The following ATR variants were observed in gnomAD, a reference collection of about 807,000 sequenced individuals.
The protein encoded by ATR is serine/threonine-protein kinase ATR.
A neutral mutation model predicts 305.3 loss-of-function variants in ATR; 142 were observed. The ratio of observed to expected loss-of-function variants is 0.47; its 90% CI spans 0.41 to 0.53. The LOEUF is 0.53. Among genes scored for constraint, ATR ranks in the 20% least tolerant of loss-of-function variants. ATR has a pLI of 0.00. For synonymous variants in ATR, 1,050 were observed against 1,068.1 expected (o/e 0.98, Z 0.33); for missense variants, 2,135 against 3,133.1 (o/e 0.68, Z 7.60).
chr3:142,502,413 A>G (rs1347706913), intron 30 of ATR, among the ~76,000 whole-genome samples: 1 of 138,960 alleles, frequency 7.2e-6, no homozygotes, highest in Admixed American at 7.5e-5. Context: ...GGAGCTAAAC[A>G]TTGGGTACAC....
At chr3:142,556,333 A>G (rs1318398886) in intron 9 of ATR, 50 bp downstream of exon 9, 1 of 1,568,764 alleles carries the variant, frequency 6.4e-7, no homozygotes, top group Non-Finnish European at 8.8e-7. Flanking sequence ...CCAGACAATT[A>G]TGATCTTTCC....
At chr3:142,455,081 A>G (rs143491443) in intron 45 of ATR, among the ~76,000 whole-genome samples, 1 of 152,360 alleles carries the variant, frequency 6.6e-6, no homozygotes, top group African/African-American at 2.4e-5. Flanking sequence ...TGTAAGATAC[A>G]ATATCAATAT....
intron 18 of ATR, among the ~76,000 whole-genome samples, chr3:142,539,256 A>G (rs1025217009): frequency 6.6e-6 from 1 of 152,152 alleles, no homozygotes; most frequent in African/African-American, 2.4e-5. Context: ...CTGGGCTCAA[A>G]GGAACCAGAG....
intron 16 of ATR, among the ~76,000 whole-genome samples, chr3:142,544,499 C>T (rs1490184108): frequency 1.7e-5 from 2 of 116,034 alleles, no homozygotes; most frequent in Admixed American, 9.5e-5. Flanking sequence ...TCACTAAGAA[C>T]TTAGTATATA....
chr3:142,512,443 T>G lies in ATR; in HGVS notation c.4669A>C (p.Lys1557Gln), dbSNP rs746399081. 3.7e-6 allele frequency: 6 copies of G among 1,612,520 alleles called. No homozygotes were observed. In the South Asian group the frequency reaches 6.6e-5, roughly 18 times the overall value. ...EVYAEIMAVL[K>Q]HDDQHTINTQ... ...TTTATGGTATGCTGATCGTCATGCT[T>G]TAGAACTGCCATAATTTCTGCATAA... is the stretch of plus-strand genomic sequence containing the variant. The change falls in exon 27 of 47, where the codon AAG (lysine) becomes CAG (glutamine). Residue 1557 changes from lysine (K) to glutamine (Q), a missense_variant. Physicochemically the swap from Lys to Gln is moderately conservative, Grantham distance 53. Coordinates refer to ENST00000350721, the MANE Select transcript of ATR (RefSeq NM_001184.4).
At chr3:142,515,335 AGAT>A in intron 25 of ATR, 57 bp downstream of exon 25, 1 of 1,595,308 alleles carries the variant, frequency 6.3e-7, no homozygotes, top group Non-Finnish European at 8.6e-7. Context: ...GCATTCAGAT[AGAT>A]GTTCTGGTTT....
intron 1 of ATR, among the ~76,000 whole-genome samples, chr3:142,575,054 C>G (rs1267269750): frequency 3.9e-5 from 6 of 152,086 alleles, no homozygotes; most frequent in Non-Finnish European, 5.9e-5. Flanking sequence ...TTGCTTATTT[C>G]CCTGTTTAAA....
chr3:142,485,103 C>T (rs1442495820), intron 36 of ATR, 37 bp downstream of exon 36: 4 of 1,610,384 alleles, frequency 2.5e-6, no homozygotes, highest in Admixed American at 1.7e-5. Context: ...GTCATCCTTA[C>T]ATATTTAATC....
chr3:142,523,427 A>G (rs1165099649), intron 22 of ATR, among the ~76,000 whole-genome samples: 1 of 152,140 alleles, frequency 6.6e-6, no homozygotes, highest in Admixed American at 6.5e-5. Flanking sequence ...CCAAAAAAAA[A>G]CACAAAATGT....
chr3:142,557,753 C>T (rs1482945831), intron 8 of ATR, among the ~76,000 whole-genome samples: 1 of 152,162 alleles, frequency 6.6e-6, no homozygotes, highest in Admixed American at 6.5e-5. Context: ...GTATCTCAGC[C>T]TCCCTAGTAG....
chr3:142,538,767 G>T, intron 18 of ATR, 142 bp from the exon 19 acceptor site: 1 of 1,086,832 alleles, frequency 9.2e-7, no homozygotes, highest in Non-Finnish European at 1.3e-6. Flanking sequence ...AAAGATCAGT[G>T]CTATATATTC....
intron 19 of ATR, 135 bp downstream of exon 19, chr3:142,538,347 T>G (rs557636155): frequency 1.1e-6 from 1 of 903,104 alleles, no homozygotes; most frequent in African/African-American, 1.7e-5. Flanking sequence ...TGTAATTACA[T>G]GCCAATTACT....
intron 1 of ATR, among the ~76,000 whole-genome samples, chr3:142,575,951 A>T (rs1244286798): frequency 6.6e-6 from 1 of 152,240 alleles, no homozygotes; most frequent in Non-Finnish European, 1.5e-5. Flanking sequence ...CTGGAATGTC[A>T]AAGGACGGTT....
intron 46 of ATR, 52 bp downstream of exon 46, chr3:142,453,076 C>T (rs770412728): frequency 1.2e-5 from 19 of 1,611,562 alleles, no homozygotes; most frequent in East Asian, 2.2e-5. Flanking sequence ...ATATCAAGTT[C>T]ATTTGTAGAG....
At chr3:142,542,348 A>G (rs2034083406) in intron 17 of ATR, among the ~76,000 whole-genome samples, 1 of 152,210 alleles carries the variant, frequency 6.6e-6, no homozygotes, top group African/African-American at 2.4e-5. Context: ...AATCTGAGCC[A>G]AAAGACTGAC....
At chr3:142,518,213 A>T (rs1419005734) in intron 24 of ATR, among the ~76,000 whole-genome samples, 1 of 152,172 alleles carries the variant, frequency 6.6e-6, no homozygotes, top group Non-Finnish European at 1.5e-5. Flanking sequence ...TTAGTCTTTA[A>T]CTTTACTTTT....
At position 142,513,504 on chromosome 3, in the gene ATR, C is replaced by T. The variant is rs1474551948; in HGVS notation, c.4638G>A (p.Gln1546=). 3.1e-6 allele frequency: 5 copies of T among 1,613,440 alleles called. No homozygotes were observed. The highest frequency in any genetic ancestry group is 4.2e-6 in the Non-Finnish European group (5 of 1,179,606). The change falls in exon 26 of 47, where the codon CAG becomes CAA. Residue 1546 remains glutamine (Q), a synonymous_variant. Coordinates refer to ENST00000350721, the MANE Select transcript of ATR (RefSeq NM_001184.4). ...VLLGCNQEDQ[Q]EVYAEIMAVL... ...CAAGTAAGATGATTTATCTCACCTC[C>T]TGCTGATCTTCTTGATTACAACCCA...
chr3:142,466,119 T>C (rs915318066), intron 40 of ATR, among the ~76,000 whole-genome samples: 1 of 152,044 alleles, frequency 6.6e-6, no homozygotes, highest in African/African-American at 2.4e-5. Flanking sequence ...TTACGGTGAA[T>C]GTGAATCATG....
At chr3:142,512,951 T>C (rs1008058181) in intron 26 of ATR, among the ~76,000 whole-genome samples, 1 of 152,208 alleles carries the variant, frequency 6.6e-6, no homozygotes, top group Admixed American at 6.5e-5. Flanking sequence ...AAAGAAAATA[T>C]GTTAACGACT....
Sources: gnomAD v4.1 joint callset for allele counts (sites outside exome capture counted in the v4.1 genomes callset) on GRCh38, gnomAD v4.1.1 for gene constraint, MANE v1.5 for transcripts, NCBI Gene and HGNC (gene_info 2026-07-23, HGNC 2026-07-21) for gene names.